The following RPGRIP1 variants were observed in gnomAD, a reference collection of about 807,000 sequenced individuals.
RPGRIP1 encodes the protein X-linked retinitis pigmentosa GTPase regulator-interacting protein 1.
A neutral mutation model predicts 157.9 loss-of-function variants in RPGRIP1; 128 were observed. That is an observed-to-expected ratio of 0.81 (90% CI 0.70 to 0.94). RPGRIP1 has a LOEUF of 0.94. RPGRIP1 is among the 40% of genes least tolerant of loss of function. The pLI is 0.00. For missense variants in RPGRIP1, 1,486 were observed against 1,545.8 expected (o/e 0.96, Z 0.65); for synonymous variants, 554 against 571.6 (o/e 0.97, Z 0.44).
Position 21,302,566 on chromosome 14 carries a change from C to A in RPGRIP1, c.569C>A (p.Ala190Asp), listed in dbSNP as rs370751257. 1.3e-5 allele frequency: 21 copies of A among 1,571,760 alleles called. No homozygotes were observed. Among genetic ancestry groups the A allele is most frequent in the Non-Finnish European group, 1.8e-5 (21 of 1,155,850 alleles). Residue 190 changes from alanine to aspartate, a missense_variant, in exon 5 of 25, where the codon GCC (alanine) becomes GAC (aspartate). Coordinates refer to ENST00000400017, the MANE Select transcript of RPGRIP1 (RefSeq NM_020366.4). ...HATNENRGEV[A>D]SKPSELVSGS... is the part of the protein sequence containing the mutation. ...ACAAATGAAAACAGAGGTGAAGTAG[C>A]CAGTAAACCCAGTGAACTGTGAGTT...
chr14:21,283,665 T>C (rs893781321), intron 1 of RPGRIP1, among the ~76,000 whole-genome samples: 6 of 151,918 alleles, frequency 3.9e-5, no homozygotes, highest in Admixed American at 1.3e-4. Flanking sequence ...TTTTTTTTTT[T>C]TTTTAGACAG....
intron 12 of RPGRIP1, among the ~76,000 whole-genome samples, 157 bp downstream of exon 12, chr14:21,320,334 G>A (rs1882269470): frequency 6.6e-6 from 1 of 151,278 alleles, no homozygotes; most frequent in Non-Finnish European, 1.5e-5. Context: ...CTGTCGCCCA[G>A]GCTGGAGTGC....
intron 23 of RPGRIP1, among the ~76,000 whole-genome samples, chr14:21,347,316 A>G (rs1045051513): frequency 2.0e-5 from 3 of 152,252 alleles, no homozygotes; most frequent in Non-Finnish European, 4.4e-5. Flanking sequence ...TTGAGCTAAT[A>G]TAGTTTACAT....
intron 3 of RPGRIP1, among the ~76,000 whole-genome samples, chr14:21,296,186 C>G (rs1163346876): frequency 6.6e-6 from 1 of 151,500 alleles, no homozygotes; most frequent in Non-Finnish European, 1.5e-5. Flanking sequence ...ACTGCAACTT[C>G]CGCCTCCCGG....
At chr14:21,314,646 G>A (rs1881691457) in intron 10 of RPGRIP1, among the ~76,000 whole-genome samples, 1 of 150,772 alleles carries the variant, frequency 6.6e-6, no homozygotes, top group African/African-American at 2.4e-5. Context: ...CCAGGAGGCA[G>A]AGGTTGGGGT....
intron 21 of RPGRIP1, among the ~76,000 whole-genome samples, chr14:21,341,132 A>C (rs1249542809): frequency 1.3e-5 from 2 of 152,152 alleles, no homozygotes; most frequent in Non-Finnish European, 2.9e-5. Flanking sequence ...TCCTAGGTTC[A>C]AGTGATTCTC....
chr14:21,300,287 A>G (rs1304867821), intron 3 of RPGRIP1, among the ~76,000 whole-genome samples: 1 of 150,720 alleles, frequency 6.6e-6, no homozygotes, highest in Non-Finnish European at 1.5e-5. Flanking sequence ...CCTGGGAAAC[A>G]AGAGAAAAAG....
At chr14:21,335,695 G>C (rs1389417963) in intron 21 of RPGRIP1, among the ~76,000 whole-genome samples, 1 of 152,102 alleles carries the variant, frequency 6.6e-6, no homozygotes, top group Non-Finnish European at 1.5e-5. Flanking sequence ...GCCGGGCGTG[G>C]TGGCTGGCAC....
intron 2 of RPGRIP1, 29 bp from the exon 3 acceptor site, chr14:21,294,648 T>A (rs368952644): frequency 5.6e-6 from 9 of 1,608,376 alleles, no homozygotes; most frequent in Non-Finnish European, 7.6e-6. Flanking sequence ...GTAAAAATAC[T>A]GTCCATTTAC....
chr14:21,328,342 C>G (rs1883335405), intron 18 of RPGRIP1, 82 bp from the exon 19 acceptor site: 2 of 988,216 alleles, frequency 2.0e-6, no homozygotes, highest in East Asian at 4.8e-5. Flanking sequence ...TGAAGTCTAA[C>G]ACTAGTTCCC....
intron 7 of RPGRIP1, among the ~76,000 whole-genome samples, chr14:21,308,957 T>C (rs1215144356): frequency 6.6e-6 from 1 of 151,988 alleles, no homozygotes; most frequent in Non-Finnish European, 1.5e-5. Flanking sequence ...TATGTGGGGG[T>C]GGCCATGTTG....
At chr14:21,336,568 T>G (rs1215944783) in intron 21 of RPGRIP1, among the ~76,000 whole-genome samples, 1 of 152,172 alleles carries the variant, frequency 6.6e-6, no homozygotes, top group Non-Finnish European at 1.5e-5. Context: ...CAGTTAAGTT[T>G]CTCTTTGTCT....
chr14:21,343,289 C>T (rs754604110), intron 22 of RPGRIP1, 61 bp downstream of exon 22: 261 of 1,290,486 alleles, frequency 2.0e-4, no homozygotes, highest in Non-Finnish European at 2.8e-4. Context: ...GACTGAGGGT[C>T]AGAATTACTC....
At chr14:21,339,319 G>A (rs1884738612) in intron 21 of RPGRIP1, among the ~76,000 whole-genome samples, 3 of 152,004 alleles carry the variant, frequency 2.0e-5, no homozygotes, top group Non-Finnish European at 4.4e-5. Context: ...GGTGGCGCGT[G>A]CTTGTAATCC....
At chr14:21,292,016 C>T (rs1228508975) in intron 2 of RPGRIP1, among the ~76,000 whole-genome samples, 1 of 152,136 alleles carries the variant, frequency 6.6e-6, no homozygotes, top group Non-Finnish European at 1.5e-5. Context: ...CCTCAGCCTC[C>T]CAAAGTGCTG....
intron 20 of RPGRIP1, among the ~76,000 whole-genome samples, chr14:21,330,894 C>T (rs752866515): frequency 7.3e-5 from 11 of 151,510 alleles, no homozygotes; most frequent in South Asian, 2.1e-4. Context: ...TTATTTTGCC[C>T]CAGGATTTTT....
intron 6 of RPGRIP1, among the ~76,000 whole-genome samples, chr14:21,306,413 G>A (rs1028766164): frequency 4.6e-5 from 7 of 151,480 alleles, no homozygotes; most frequent in Admixed American, 2.0e-4. Flanking sequence ...GATTACAGGC[G>A]TGAGCCCCTG....
intron 20 of RPGRIP1, among the ~76,000 whole-genome samples, chr14:21,331,128 C>T (rs183123407): frequency 2.0e-5 from 3 of 150,464 alleles, no homozygotes; most frequent in African/African-American, 4.9e-5. Flanking sequence ...AGGCTGGTCT[C>T]AAACTTCTGA....
intron 2 of RPGRIP1, among the ~76,000 whole-genome samples, chr14:21,292,048 G>A (rs977292350): frequency 1.3e-5 from 2 of 151,946 alleles, no homozygotes; most frequent in African/African-American, 2.4e-5. Context: ...ATGAGCCACT[G>A]CACCCAGCCA....
Sources: allele counts gnomAD v4.1 joint callset (sites outside exome capture counted in the v4.1 genomes callset), GRCh38; gene constraint gnomAD v4.1.1; transcripts MANE v1.5; gene names NCBI Gene and HGNC (gene_info 2026-07-23, HGNC 2026-07-21).